Variants in C12orf56 observed in about 807,000 individuals in gnomAD.
C12orf56 encodes uncharacterized protein C12orf56.
A neutral mutation model predicts 69.9 loss-of-function variants in C12orf56; 71 were observed. The observed-to-expected ratio is 1.02, with a 90% CI of 0.84 to 1.24. The LOEUF is 1.24. C12orf56 is among the 50% of genes most tolerant of loss of function. C12orf56 has a pLI of 0.00. For synonymous variants in C12orf56, 276 were observed against 274.1 expected (o/e 1.01, Z -0.07); for missense variants, 732 against 738.5 (o/e 0.99, Z 0.10).
At chr12:64,297,521 T>C (rs961739482) in intron 6 of C12orf56, among the ~76,000 whole-genome samples, 14 of 152,344 alleles carry the variant, frequency 9.2e-5, no homozygotes, top group Admixed American at 9.1e-4. Context: ...CTTTTAATGC[T>C]ATCCCTCCCC....
chr12:64,368,025 C>G (rs151013753), intron 1 of C12orf56, among the ~76,000 whole-genome samples: 2,246 of 152,130 alleles, frequency 0.015, 37 homozygotes, highest in Non-Finnish European at 0.024. Context: ...CCAGGCTGGT[C>G]TCAAACTCCT....
chr12:64,294,784 TG>T (rs1158016730), intron 6 of C12orf56, among the ~76,000 whole-genome samples: 2 of 151,850 alleles, frequency 1.3e-5, no homozygotes, highest in African/African-American at 2.4e-5. Context: ...TGGCTGATTG[TG>T]AATAAACTTG....
intron 7 of C12orf56, among the ~76,000 whole-genome samples, chr12:64,285,579 G>A (rs979642682): frequency 1.3e-5 from 2 of 152,136 alleles, no homozygotes; most frequent in African/African-American, 4.8e-5. Context: ...CCTGAGGTCA[G>A]GAGTTCGAGA....
intron 5 of C12orf56, among the ~76,000 whole-genome samples, chr12:64,304,589 C>T (rs2038486997): frequency 6.6e-6 from 1 of 152,272 alleles, no homozygotes; most frequent in African/African-American, 2.4e-5. Flanking sequence ...GTTAGTTACT[C>T]GTGTACCTAT....
At chr12:64,268,218 G>A (rs576196595) in intron 12 of C12orf56, among the ~76,000 whole-genome samples, 3 of 152,278 alleles carry the variant, frequency 2.0e-5, no homozygotes, top group Admixed American at 1.3e-4. Flanking sequence ...TAATTTAGGG[G>A]GTAAGAGTAA....
At chr12:64,329,589 A>G (rs1254975909) in intron 3 of C12orf56, among the ~76,000 whole-genome samples, 1 of 150,658 alleles carries the variant, frequency 6.6e-6, no homozygotes, top group Non-Finnish European at 1.5e-5. Context: ...GGTTAGTTAC[A>G]TATGTATACA....
chr12:64,358,997 AC>A (rs756888733), intron 1 of C12orf56, among the ~76,000 whole-genome samples: 2 of 152,138 alleles, frequency 1.3e-5, no homozygotes, highest in African/African-American at 2.4e-5. Context: ...AGGGCGCTTC[AC>A]CAGATTATTT....
chr12:64,362,854 C>G (rs143366680), intron 1 of C12orf56, among the ~76,000 whole-genome samples: 3 of 152,176 alleles, frequency 2.0e-5, no homozygotes, highest in Non-Finnish European at 4.4e-5. Flanking sequence ...GGTTTCTCCC[C>G]TTTTTAGACT....
chr12:64,342,505 G>A (rs1386783008), intron 2 of C12orf56, among the ~76,000 whole-genome samples: 2 of 152,204 alleles, frequency 1.3e-5, no homozygotes, highest in African/African-American at 4.8e-5. Flanking sequence ...TACAGGCTAG[G>A]GGAGAGAAGG....
Position 64,267,142 on chromosome 12 carries a change from A to G in C12orf56, c.*41T>C, listed in dbSNP as rs1247798043. The stretch of plus-strand genomic sequence containing the variant: ...TGAATATCAAGTTGACTCTTGATTA[A>G]CATTTTATACTCTTATTAACATTGC... On this transcript the variant is annotated 3_prime_UTR_variant, in exon 13 of 13. Transcript: ENST00000543942. 5 of 1,394,156 alleles carry G rather than the reference A, an allele frequency of 3.6e-6. No homozygotes were observed. The East Asian group carries it at 1.2e-4, about 34-fold the overall frequency. The allele number at this position is 1,394,156 out of a possible 1,614,324, so 86.4% of individuals were successfully genotyped here.
intron 6 of C12orf56, among the ~76,000 whole-genome samples, chr12:64,296,746 T>C (rs1318413680): frequency 6.6e-6 from 1 of 152,130 alleles, no homozygotes; most frequent in African/African-American, 2.4e-5. Context: ...AATGCAACAG[T>C]GTTGAGAGGC....
intron 1 of C12orf56, among the ~76,000 whole-genome samples, chr12:64,379,888 C>T (rs1346481864): frequency 1.4e-5 from 2 of 147,854 alleles, no homozygotes; most frequent in Non-Finnish European, 1.5e-5. Flanking sequence ...TCCAGACCAT[C>T]CTGGCTAACA....
At chr12:64,371,283 C>T (rs778228963) in intron 1 of C12orf56, among the ~76,000 whole-genome samples, 2 of 151,702 alleles carry the variant, frequency 1.3e-5, no homozygotes, top group Non-Finnish European at 2.9e-5. Context: ...GGCACACACA[C>T]GTAATCCTAG....
At chr12:64,345,749 TTGTC>T (rs2039132648) in intron 2 of C12orf56, among the ~76,000 whole-genome samples, 1 of 152,168 alleles carries the variant, frequency 6.6e-6, no homozygotes, top group Non-Finnish European at 1.5e-5. Flanking sequence ...TTTCATCACT[TTGTC>T]TGCAGAATTT....
chr12:64,348,426 G>A (rs1019399584), intron 2 of C12orf56, among the ~76,000 whole-genome samples: 1 of 152,186 alleles, frequency 6.6e-6, no homozygotes, highest in Admixed American at 6.5e-5. Flanking sequence ...TTTAAAAAAT[G>A]TCCAAGTCAT....
At chr12:64,273,508 A>C (rs985620478) in intron 11 of C12orf56, among the ~76,000 whole-genome samples, 2 of 152,242 alleles carry the variant, frequency 1.3e-5, no homozygotes, top group Non-Finnish European at 2.9e-5. Context: ...TGCCTAGCAC[A>C]ACAGACATAG....
chr12:64,362,417 C>T (rs1347371430), intron 1 of C12orf56, among the ~76,000 whole-genome samples: 1 of 152,054 alleles, frequency 6.6e-6, no homozygotes, highest in Non-Finnish European at 1.5e-5. Context: ...CGAGGCCGGG[C>T]GTGGTGGCTC....
chr12:64,389,412 C>T (rs575181792), intron 1 of C12orf56: 1 of 152,388 alleles, frequency 6.6e-6, no homozygotes, highest in African/African-American at 2.4e-5. Flanking sequence ...CAGTTTGGAT[C>T]AAGTGAGCCG....
intron 4 of C12orf56, among the ~76,000 whole-genome samples, chr12:64,313,574 G>C (rs1047658655): frequency 6.6e-6 from 1 of 151,322 alleles, no homozygotes. Context: ...TCTATCGTCT[G>C]TTTGGTTTAG....
Sources: gnomAD v4.1 joint callset for allele counts (sites outside exome capture counted in the v4.1 genomes callset) on GRCh38, gnomAD v4.1.1 for gene constraint, MANE v1.5 for transcripts, NCBI Gene and HGNC (gene_info 2026-07-23, HGNC 2026-07-21) for gene names.